Variants in UVRAG observed in about 807,000 individuals in gnomAD.
UVRAG encodes UV radiation resistance-associated gene protein.
In UVRAG, 19 loss-of-function variants were observed where a neutral mutation model predicts 78.0. That is an observed-to-expected ratio of 0.24 (90% CI 0.17 to 0.36). UVRAG has a LOEUF of 0.36. Among genes scored for constraint, UVRAG ranks in the 10% least tolerant of loss-of-function variants. The pLI, the probability that UVRAG is intolerant of heterozygous loss-of-function variation, is 1.00. For synonymous variants in UVRAG, 323 were observed against 324.6 expected, an observed-to-expected ratio of 1.00 and a Z score of 0.05; for missense variants, 740 against 853.8, an observed-to-expected ratio of 0.87 and a Z score of 1.66.
At chr11:75,831,498 A>G (rs969853477) in intron 1 of UVRAG, among the ~76,000 whole-genome samples, 5 of 151,758 alleles carry the variant, frequency 3.3e-5, no homozygotes, top group Non-Finnish European at 5.9e-5. Flanking sequence ...CAAAAAACAA[A>G]CAAACAAAAA....
chr11:75,968,300 C>A (rs1949063739), intron 7 of UVRAG, among the ~76,000 whole-genome samples: 1 of 152,096 alleles, frequency 6.6e-6, no homozygotes, highest in Non-Finnish European at 1.5e-5. Flanking sequence ...ACACTAAAAT[C>A]TAATTAAATG....
chr11:75,966,476 AGTT>A lies in UVRAG; in HGVS notation c.699+4928_699+4930del, dbSNP rs1949025652. ...AATCTGGACCTTTTAAATATTTTCT[AGTT>A]CTCTGCTGATATTTCATATCCTTTT... On this transcript the variant is annotated intron_variant, in intron 7 of 14. Transcript: ENST00000356136. Among the ~76,000 whole-genome samples the A allele has an allele frequency of 2.0e-5, 3 of 152,252 alleles. No homozygotes were observed. In the South Asian group the frequency reaches 6.2e-4, roughly 32 times the overall value.
intron 7 of UVRAG, 73 bp downstream of exon 7, chr11:75,961,622 A>T: frequency 8.3e-7 from 1 of 1,205,654 alleles, no homozygotes; most frequent in East Asian, 2.7e-5. Context: ...TCTAGGGTTA[A>T]TTTTAAAAAA....
chr11:75,893,163 C>A (rs1267133187), intron 5 of UVRAG, among the ~76,000 whole-genome samples: 2 of 148,832 alleles, frequency 1.3e-5, no homozygotes, highest in Admixed American at 1.3e-4. Context: ...GAGGCCAGAG[C>A]AAGACTCCGT....
chr11:75,887,154 C>CT lies in UVRAG; in HGVS notation c.433-1666dup, dbSNP rs1177274429. On this transcript the variant is annotated intron_variant, in intron 4 of 14. Coordinates refer to ENST00000356136, the MANE Select transcript of UVRAG (RefSeq NM_003369.4). ...CCAGCTAATTTCTTTTTCTTTCTTT[C>CT]TTTTTTTTTGAGACAAGGTCTTGCT... Among the ~76,000 whole-genome samples, 641 of 140,548 alleles carry CT rather than the reference C, an allele frequency of 4.6e-3. 1 individual carries two copies. Among genetic ancestry groups the CT allele is most frequent in the Non-Finnish European group, 4.8e-3 (309 of 64,012 alleles). The allele number at this position is 140,548 out of a possible 152,430, so 92.2% of individuals were successfully genotyped here.
At chr11:75,898,216 G>A (rs1947393492) in intron 5 of UVRAG, among the ~76,000 whole-genome samples, 1 of 152,060 alleles carries the variant, frequency 6.6e-6, no homozygotes, top group African/African-American at 2.4e-5. Context: ...ATTTATTCCA[G>A]CCTTATAACA....
At chr11:75,952,287 T>A (rs1274507104) in intron 6 of UVRAG, among the ~76,000 whole-genome samples, 2 of 152,202 alleles carry the variant, frequency 1.3e-5, no homozygotes, top group African/African-American at 2.4e-5. Context: ...AAATGCATTA[T>A]TACAATGGTT....
At chr11:75,882,790 T>G (rs992480487) in intron 4 of UVRAG, among the ~76,000 whole-genome samples, 1 of 152,182 alleles carries the variant, frequency 6.6e-6, no homozygotes, top group Non-Finnish European at 1.5e-5. Context: ...GATCATGCTT[T>G]TAACATATTT....
intron 1 of UVRAG, among the ~76,000 whole-genome samples, chr11:75,848,180 G>C (rs1946077734): frequency 6.6e-6 from 1 of 150,830 alleles, no homozygotes; most frequent in Admixed American, 6.6e-5. Context: ...CTGGGGGACA[G>C]AGAGAGACCC....
At chr11:75,908,125 T>G (rs1947657580) in intron 5 of UVRAG, among the ~76,000 whole-genome samples, 1 of 152,294 alleles carries the variant, frequency 6.6e-6, no homozygotes, top group East Asian at 1.9e-4. Context: ...GACTTTCTGT[T>G]TCTATGATTT....
chr11:75,959,604 G>T (rs1007602896), intron 6 of UVRAG, among the ~76,000 whole-genome samples: 2 of 152,170 alleles, frequency 1.3e-5, no homozygotes, highest in South Asian at 4.1e-4. Context: ...AACTCTTTCC[G>T]CATCAGCAAT....
chr11:75,869,814 T>C (rs1946611949), intron 3 of UVRAG, among the ~76,000 whole-genome samples: 1 of 152,244 alleles, frequency 6.6e-6, no homozygotes, highest in South Asian at 2.1e-4. Context: ...TGAGATGTGT[T>C]GTATGGTTTC....
At chr11:75,818,326 T>C (rs1565327714) in intron 1 of UVRAG, among the ~76,000 whole-genome samples, 1 of 152,144 alleles carries the variant, frequency 6.6e-6, no homozygotes, top group Non-Finnish European at 1.5e-5. Context: ...GTATGTCTAA[T>C]GTTTTTTTTT....
chr11:75,960,002 G>A lies in UVRAG; in HGVS notation c.594-1442G>A, dbSNP rs551064462. 3.8e-3 allele frequency among the ~76,000 whole-genome samples: 580 copies of A among 152,178 alleles called. 2 individuals are homozygous for A. Among genetic ancestry groups the A allele is most frequent in the African/African-American group, 0.013 (531 of 41,516 alleles). On this transcript the variant is annotated intron_variant, in intron 6 of 14. Coordinates refer to ENST00000356136, the MANE Select transcript of UVRAG (RefSeq NM_003369.4). Reference sequence around the variant, plus strand: ...ACTATCTTATACGGGTACAGCTCGTGGTGCTCCAAAATAACTATAATAGCA... The same window carrying A: ...ACTATCTTATACGGGTACAGCTCGTAGTGCTCCAAAATAACTATAATAGCA...
intron 5 of UVRAG, among the ~76,000 whole-genome samples, chr11:75,902,718 C>A (rs1399156535): frequency 1.3e-5 from 2 of 151,934 alleles, no homozygotes; most frequent in Non-Finnish European, 2.9e-5. Context: ...AGCCACTAGA[C>A]TCTTTTGAGT....
chr11:75,945,441 G>A (rs1423304423), intron 6 of UVRAG, among the ~76,000 whole-genome samples: 2 of 152,128 alleles, frequency 1.3e-5, no homozygotes, highest in Non-Finnish European at 2.9e-5. Context: ...TCTAGATGGA[G>A]CATGCTCCCA....
At chr11:75,975,215 A>C (rs1485535065) in intron 7 of UVRAG, among the ~76,000 whole-genome samples, 1 of 152,118 alleles carries the variant, frequency 6.6e-6, no homozygotes, top group Non-Finnish European at 1.5e-5. Context: ...GTTCTGTTCC[A>C]TTGATCTATA....
chr11:76,117,460 G>A (rs1331060087), intron 14 of UVRAG, among the ~76,000 whole-genome samples: 1 of 152,054 alleles, frequency 6.6e-6, no homozygotes, highest in African/African-American at 2.4e-5. Context: ...GCTTTATTTG[G>A]CTAGCCATCG....
chr11:75,820,355 TTC>T (rs1945359105), intron 1 of UVRAG, among the ~76,000 whole-genome samples: 1 of 104,756 alleles, frequency 9.5e-6, no homozygotes, highest in African/African-American at 3.7e-5. Context: ...GTTTCACTTA[TTC>T]TTTTTTTTTT....
Sources: allele counts gnomAD v4.1 joint callset (sites outside exome capture counted in the v4.1 genomes callset), GRCh38; gene constraint gnomAD v4.1.1; transcripts MANE v1.5; gene names NCBI Gene and HGNC (gene_info 2026-07-23, HGNC 2026-07-21).